Variants in OSBP2 observed in about 807,000 individuals in gnomAD.
OSBP2 encodes oxysterol binding protein 2.
Under a neutral mutation model 96.0 loss-of-function variants are expected in OSBP2, and 66 were observed. The observed-to-expected ratio is 0.69, with a 90% CI of 0.56 to 0.84. The LOEUF (loss-of-function observed/expected upper bound fraction) is 0.84, where lower values mean the gene tolerates loss of function less well. OSBP2 is among the 40% of genes least tolerant of loss of function. The pLI, the probability that OSBP2 is intolerant of heterozygous loss-of-function variation, is 0.00. For missense variants in OSBP2, 1,038 were observed against 1,222.7 expected (o/e 0.85, Z 2.25); for synonymous variants, 525 against 520.9 (o/e 1.01, Z -0.11).
intron 12 of OSBP2, among the ~76,000 whole-genome samples, chr22:30,901,884 T>A (rs1324918195): frequency 1.3e-5 from 2 of 151,904 alleles, no homozygotes; most frequent in Non-Finnish European, 2.9e-5. Flanking sequence ...AGATGAACAA[T>A]CACATAGTCA....
At chr22:30,811,316 T>C (rs969998656) in intron 2 of OSBP2, among the ~76,000 whole-genome samples, 1 of 141,188 alleles carries the variant, frequency 7.1e-6, no homozygotes, top group African/African-American at 2.7e-5. Context: ...GATTTTATTT[T>C]TTTTATTTTT....
At chr22:30,790,068 GGCT>G (rs1402593856) in intron 2 of OSBP2, among the ~76,000 whole-genome samples, 5 of 152,108 alleles carry the variant, frequency 3.3e-5, no homozygotes, top group Admixed American at 1.3e-4. Flanking sequence ...AAGGTGACTG[GGCT>G]GCAGAAGGAG....
intron 2 of OSBP2, among the ~76,000 whole-genome samples, chr22:30,814,983 T>C (rs1477148201): frequency 6.6e-6 from 1 of 152,110 alleles, no homozygotes; most frequent in East Asian, 1.9e-4. Flanking sequence ...TGACTGGTGT[T>C]AAAAGTCTCT....
chr22:30,752,579 C>T (rs551159532), intron 2 of OSBP2, among the ~76,000 whole-genome samples: 2 of 152,006 alleles, frequency 1.3e-5, no homozygotes, highest in African/African-American at 2.4e-5. Flanking sequence ...TGTGAGCCAC[C>T]GCGCCGGGCC....
intron 2 of OSBP2, among the ~76,000 whole-genome samples, chr22:30,744,470 C>T (rs1408331893): frequency 1.3e-5 from 2 of 152,182 alleles, no homozygotes; most frequent in African/African-American, 4.8e-5. Flanking sequence ...TTCTGCTTAT[C>T]TCTTGAAATC....
intron 3 of OSBP2, among the ~76,000 whole-genome samples, chr22:30,879,092 A>G (rs958762028): frequency 3.3e-5 from 5 of 152,208 alleles, no homozygotes; most frequent in Non-Finnish European, 5.9e-5. Flanking sequence ...ACTGCTGGAC[A>G]TGCTGAGGCT....
At chr22:30,873,846 G>T (rs1175195012) in intron 3 of OSBP2, among the ~76,000 whole-genome samples, 11 of 152,192 alleles carry the variant, frequency 7.2e-5, no homozygotes, top group Non-Finnish European at 8.8e-5. Flanking sequence ...CAGCGCGCTG[G>T]GGCAGGCAGC....
chr22:30,889,663 G>A (rs774497011), intron 7 of OSBP2, 27 bp downstream of exon 7: 8 of 1,611,202 alleles, frequency 5.0e-6, no homozygotes, highest in South Asian at 1.1e-5. Context: ...GGGCAGCCCC[G>A]ACAGGTCCTC....
At chr22:30,730,766 CTCTCTCTCTATA>C (rs1468701798) in intron 1 of OSBP2, among the ~76,000 whole-genome samples, 18 of 36,892 alleles carry the variant, frequency 4.9e-4, no homozygotes, top group East Asian at 3.7e-3. Flanking sequence ...CTCTCTCTCT[CTCTCTCTCTATA>C]TATATATATA....
chr22:30,776,136 C>A (rs994461014), intron 2 of OSBP2, among the ~76,000 whole-genome samples: 21 of 137,868 alleles, frequency 1.5e-4, no homozygotes, highest in Non-Finnish European at 2.7e-4. Context: ...TTTTATTTTT[C>A]TTTTCTTGAG....
intron 2 of OSBP2, among the ~76,000 whole-genome samples, chr22:30,785,840 C>G (rs111901322): frequency 4.9e-4 from 74 of 152,302 alleles, no homozygotes; most frequent in African/African-American, 1.7e-3. Flanking sequence ...CCTGCTCTCT[C>G]TCTCCTGCTG....
chr22:30,751,177 G>A (rs2090069370), intron 2 of OSBP2, among the ~76,000 whole-genome samples: 1 of 152,108 alleles, frequency 6.6e-6, no homozygotes. Context: ...TTTGATTGAA[G>A]TTTCGTGTCT....
intron 1 of OSBP2, among the ~76,000 whole-genome samples, chr22:30,715,242 T>A (rs1346280004): frequency 1.3e-5 from 2 of 152,106 alleles, no homozygotes; most frequent in Admixed American, 1.3e-4. Context: ...TCCTTGCCAA[T>A]GATTTATTTT....
intron 2 of OSBP2, among the ~76,000 whole-genome samples, chr22:30,828,370 A>T (rs1402242146): frequency 6.6e-6 from 1 of 152,204 alleles, no homozygotes; most frequent in African/African-American, 2.4e-5. Flanking sequence ...AGGGGCTGGG[A>T]GTAGCAGAGC....
intron 3 of OSBP2, among the ~76,000 whole-genome samples, chr22:30,879,065 G>A (rs887835472): frequency 3.3e-5 from 5 of 152,208 alleles, no homozygotes; most frequent in Non-Finnish European, 7.3e-5. Flanking sequence ...ACAAAGACCC[G>A]CATCAGAAGG....
intron 1 of OSBP2, among the ~76,000 whole-genome samples, chr22:30,706,448 A>G (rs897963943): frequency 1.3e-5 from 2 of 152,004 alleles, no homozygotes; most frequent in African/African-American, 4.8e-5. Flanking sequence ...CGATTTAACA[A>G]TCTTGACTCA....
At chr22:30,792,157 C>T (rs897967183) in intron 2 of OSBP2, among the ~76,000 whole-genome samples, 4 of 151,848 alleles carry the variant, frequency 2.6e-5, no homozygotes, top group African/African-American at 4.8e-5. Flanking sequence ...ACTAAAAATA[C>T]GAAACATTAG....
chr22:30,792,158 G>A (rs994093243), intron 2 of OSBP2, among the ~76,000 whole-genome samples: 6 of 151,734 alleles, frequency 4.0e-5, no homozygotes, highest in African/African-American at 1.5e-4. Context: ...CTAAAAATAC[G>A]AAACATTAGC....
At chr22:30,770,909 C>G (rs1401210393) in intron 2 of OSBP2, among the ~76,000 whole-genome samples, 1 of 152,188 alleles carries the variant, frequency 6.6e-6, no homozygotes, top group Non-Finnish European at 1.5e-5. Flanking sequence ...GGTACCCTGC[C>G]CTGGCCCGAT....
Sources: gnomAD v4.1 joint callset for allele counts (sites outside exome capture counted in the v4.1 genomes callset) on GRCh38, gnomAD v4.1.1 for gene constraint, MANE v1.5 for transcripts, NCBI Gene and HGNC (gene_info 2026-07-23, HGNC 2026-07-21) for gene names.